Variants in RAPGEF1 observed in about 807,000 individuals in gnomAD.
RAPGEF1 encodes CRK SH3-binding GNRP.
RAPGEF1 carries 33 observed loss-of-function variants against 143.3 expected under a neutral mutation model. That is an observed-to-expected ratio of 0.23 (90% CI 0.17 to 0.31). RAPGEF1 has a LOEUF of 0.31. Ranked by LOEUF, RAPGEF1 falls within the 10% of genes least tolerant of loss-of-function variation. RAPGEF1 has a pLI of 1.00. For synonymous variants in RAPGEF1, 629 were observed against 676.5 expected (o/e 0.93, Z 1.09); for missense variants, 1,199 against 1,645.4 (o/e 0.73, Z 4.69).
At chr9:131,679,249 AG>A (rs1265191212) in intron 1 of RAPGEF1, among the ~76,000 whole-genome samples, 2 of 152,246 alleles carry the variant, frequency 1.3e-5, no homozygotes, top group East Asian at 3.8e-4. Flanking sequence ...AGCTGACCTC[AG>A]GGAAGACAAG....
At chr9:131,680,863 G>C (rs1017723421) in intron 1 of RAPGEF1, among the ~76,000 whole-genome samples, 2 of 152,094 alleles carry the variant, frequency 1.3e-5, no homozygotes, top group Admixed American at 6.5e-5. Context: ...TTAGGGTCTC[G>C]CGGACCGAGC....
At chr9:131,589,044 G>C (rs3824397) in intron 19 of RAPGEF1, 58 bp from the exon 20 acceptor site, 201,037 of 1,542,500 alleles carry the variant, frequency 0.13, 15,065 homozygotes, top group Middle Eastern at 0.29. Flanking sequence ...GGCAGAGTCT[G>C]TCTTTGCCTT....
At chr9:131,721,587 G>A (rs752844209) in intron 1 of RAPGEF1, among the ~76,000 whole-genome samples, 4 of 152,086 alleles carry the variant, frequency 2.6e-5, no homozygotes, top group Non-Finnish European at 4.4e-5. Context: ...AATAGTCGCC[G>A]AAGAATTCAG....
intron 1 of RAPGEF1, among the ~76,000 whole-genome samples, chr9:131,665,279 G>C (rs1830240134): frequency 6.6e-6 from 1 of 152,112 alleles, no homozygotes; most frequent in Admixed American, 6.5e-5. Context: ...TGGTAAACAG[G>C]ACATTTCACC....
intron 1 of RAPGEF1, among the ~76,000 whole-genome samples, chr9:131,707,987 C>T (rs376835374): frequency 6.6e-6 from 1 of 152,082 alleles, no homozygotes; most frequent in South Asian, 2.1e-4. Flanking sequence ...CTTTAATAGC[C>T]GTTTTGTTCA....
At chr9:131,592,336 C>A (rs2132294956) in intron 17 of RAPGEF1, among the ~76,000 whole-genome samples, 153 bp from the exon 18 acceptor site, 1 of 152,286 alleles carries the variant, frequency 6.6e-6, no homozygotes, top group Middle Eastern at 3.4e-3. Flanking sequence ...GGAACCCCCT[C>A]TGGTGTCTCC....
At chr9:131,609,329 C>T (rs115867449) in intron 12 of RAPGEF1, among the ~76,000 whole-genome samples, 79 of 152,336 alleles carry the variant, frequency 5.2e-4, no homozygotes, top group African/African-American at 1.2e-3. Flanking sequence ...GGGGAGACCA[C>T]GTGCCTAATA....
chr9:131,626,218 G>GT lies in RAPGEF1; in HGVS notation c.1405dup (p.Thr469AsnfsTer35). The GT allele has an allele frequency of 6.2e-7, 1 of 1,613,836 alleles. No individual in the cohort carries two copies. Among genetic ancestry groups the GT allele is most frequent in the Admixed American group, 1.7e-5 (1 of 60,022 alleles). On this transcript the variant is annotated frameshift_variant, in exon 10 of 27. Transcript: ENST00000683357. LOFTEE classifies it high-confidence loss of function. ...CTTCTTCTCGGGGAGAGCAGGTGGCGTATCTGTCTGCTGCCCTGGGGCCAG... is the reference window on the plus strand; with the variant it reads ...CTTCTTCTCGGGGAGAGCAGGTGGCGTTATCTGTCTGCTGCCCTGGGGCCAG...
chr9:131,651,505 C>T (rs1180720979), intron 1 of RAPGEF1, among the ~76,000 whole-genome samples: 1 of 152,184 alleles, frequency 6.6e-6, no homozygotes, highest in Non-Finnish European at 1.5e-5. Flanking sequence ...CTCACCACTC[C>T]TATCTGACAT....
intron 1 of RAPGEF1, among the ~76,000 whole-genome samples, chr9:131,732,557 G>A (rs9722110): frequency 1 from 151,729 of 152,302 alleles, 75,581 homozygotes; most frequent in Middle Eastern, 1. Flanking sequence ...CGTTCTCCCA[G>A]TGGTGTTCTG....
At chr9:131,637,093 C>T (rs1356218432) in intron 5 of RAPGEF1, among the ~76,000 whole-genome samples, 2 of 152,032 alleles carry the variant, frequency 1.3e-5, no homozygotes, top group Admixed American at 6.6e-5. Flanking sequence ...GGTGTGGTGG[C>T]TCACACCTGT....
chr9:131,592,527 C>G (rs151147164), intron 17 of RAPGEF1, among the ~76,000 whole-genome samples: 235 of 152,210 alleles, frequency 1.5e-3, no homozygotes, highest in African/African-American at 5.2e-3. Context: ...GAAAAGGGCA[C>G]TTAGGCTGAC....
At chr9:131,612,931 G>A (rs1368173486) in intron 12 of RAPGEF1, among the ~76,000 whole-genome samples, 1 of 152,210 alleles carries the variant, frequency 6.6e-6, no homozygotes, top group Non-Finnish European at 1.5e-5. Flanking sequence ...TGGGACCAAT[G>A]CATCTGTTAC....
intron 1 of RAPGEF1, among the ~76,000 whole-genome samples, chr9:131,706,554 G>A (rs1589063974): frequency 2.6e-5 from 4 of 152,328 alleles, no homozygotes; most frequent in Admixed American, 2.6e-4. Flanking sequence ...ACAGGTGTGA[G>A]CCACTGCATC....
In RAPGEF1 at chr9:131,583,207, C is replaced by A. The variant is rs1952157373; in HGVS notation, c.3415-505G>T. Among the ~76,000 whole-genome samples, 1 of 152,148 alleles carries A rather than the reference C, an allele frequency of 6.6e-6. No homozygotes were observed. Among genetic ancestry groups the A allele is most frequent in the Non-Finnish European group, 1.5e-5 (1 of 68,008 alleles). Reference sequence around the variant, plus strand: ...TCCTGCAGGGGTGGGGGGCTCCCACCTAGGAGACTCAGCCAGCCCTGCCCC... The same window carrying A: ...TCCTGCAGGGGTGGGGGGCTCCCACATAGGAGACTCAGCCAGCCCTGCCCC... On this transcript the variant is annotated intron_variant, in intron 24 of 26. Coordinates refer to ENST00000683357, the MANE Select transcript of RAPGEF1 (RefSeq NM_001377935.1). The surrounding 1 kb of genome is among the most constrained non-coding windows in gnomAD (Gnocchi z 4.7).
chr9:131,630,200 G>C (rs771003335), intron 6 of RAPGEF1, 36 bp downstream of exon 6: 2 of 1,601,570 alleles, frequency 1.2e-6, no homozygotes, highest in Non-Finnish European at 1.7e-6. Context: ...GCCACTGAGC[G>C]TGACACCCGC....
intron 5 of RAPGEF1, among the ~76,000 whole-genome samples, chr9:131,634,713 CAAAAAAAAAAAA>C (rs35405559): frequency 1.5e-3 from 89 of 61,220 alleles, no homozygotes; most frequent in African/African-American, 6.6e-3. Context: ...GACTCCGTCT[CAAAAAAAAAAAA>C]AAAAAAAAAA....
chr9:131,722,878 AAAAC>A (rs999757215), intron 1 of RAPGEF1, among the ~76,000 whole-genome samples: 83 of 152,180 alleles, frequency 5.5e-4, no homozygotes, highest in Middle Eastern at 3.4e-3. Context: ...TTTAAAAAAC[AAAAC>A]AAACAAACAA....
At chr9:131,610,049 G>A (rs1957791807) in intron 12 of RAPGEF1, among the ~76,000 whole-genome samples, 1 of 152,090 alleles carries the variant, frequency 6.6e-6, no homozygotes, top group African/African-American at 2.4e-5. Flanking sequence ...GGCATGTGTC[G>A]CCAGGTACAA....
Sources: allele counts gnomAD v4.1 joint callset (sites outside exome capture counted in the v4.1 genomes callset), GRCh38; gene constraint gnomAD v4.1.1; non-coding constraint Gnocchi (gnomAD v3.1); transcripts MANE v1.5; gene names NCBI Gene and HGNC (gene_info 2026-07-23, HGNC 2026-07-21).